The following PRPF18 variants were observed in gnomAD, a reference collection of about 807,000 sequenced individuals.
PRPF18 encodes the protein pre-mRNA-splicing factor 18.
PRPF18 carries 38 observed loss-of-function variants against 46.5 expected under a neutral mutation model. The observed-to-expected ratio is 0.82, with a 90% confidence interval of 0.63 to 1.07. PRPF18 has a LOEUF of 1.07. Ranked by LOEUF, PRPF18 falls within the 50% of genes least tolerant of loss-of-function variation. The probability of loss-of-function intolerance (pLI) is 0.00; values close to 1 mark genes in which losing one functional copy is unlikely to be tolerated. For missense variants in PRPF18, 263 were observed against 410.0 expected, an observed-to-expected ratio of 0.64 and a Z score of 3.10; for synonymous variants, 152 against 146.7, an observed-to-expected ratio of 1.04 and a Z score of -0.26.
chr10:13,611,450 C>G (rs1023051577), intron 5 of PRPF18, among the ~76,000 whole-genome samples, 165 bp from the exon 6 acceptor site: 1 of 152,054 alleles, frequency 6.6e-6, no homozygotes, highest in Non-Finnish European at 1.5e-5. Context: ...GTGGCAAATC[C>G]GTGTTTTTTG....
chr10:13,607,375 G>A (rs371656626), intron 4 of PRPF18, among the ~76,000 whole-genome samples: 2 of 152,186 alleles, frequency 1.3e-5, no homozygotes, highest in African/African-American at 2.4e-5. Flanking sequence ...GGGCTTACCT[G>A]TTCTCTTAAT....
chr10:13,655,000 C>CA, the PRPF18 span: 1 of 161,642 alleles, frequency 6.2e-6, no homozygotes, highest in Non-Finnish European at 1.4e-5. Flanking sequence ...GAAAGGTTCT[C>CA]AGAGCCTGCT....
At position 13,630,520 on chromosome 10, in the gene PRPF18, CA is replaced by C. The variant is rs1425840947; in HGVS notation, c.*182del. On this transcript the variant is annotated 3_prime_UTR_variant, in exon 10 of 10. Coordinates refer to ENST00000378572, the MANE Select transcript of PRPF18 (RefSeq NM_003675.4). ...TTGGCCTTCATTTCATATCTGACTG[CA>C]AGCTGATTTTTCTTTCTTGCTTTCA... The C allele has an allele frequency of 7.5e-6, 3 of 401,244 alleles. No individual in the cohort carries two copies. Among genetic ancestry groups the C allele is most frequent in the African/African-American group, 6.2e-5 (3 of 48,516 alleles). The allele number at this position is 401,244 out of a possible 1,614,324, so 24.9% of individuals were successfully genotyped here. A position where few individuals can be genotyped will look rare whatever the true frequency, so the allele number is the denominator to read the frequency against.
the PRPF18 span, chr10:13,642,750 T>C: frequency 6.6e-6 from 1 of 152,000 alleles, no homozygotes; most frequent in Admixed American, 6.5e-5. Flanking sequence ...GTGTAGATGA[T>C]TTTGAGATGG....
intron 1 of PRPF18, among the ~76,000 whole-genome samples, chr10:13,588,355 C>G (rs1343844309): frequency 2.0e-5 from 3 of 150,898 alleles, no homozygotes; most frequent in Non-Finnish European, 4.4e-5. Flanking sequence ...TGCCGTGAGC[C>G]GACATCGCAC....
intron 4 of PRPF18, 119 bp downstream of exon 4, chr10:13,605,863 C>A: frequency 7.6e-7 from 1 of 1,321,954 alleles, no homozygotes; most frequent in Non-Finnish European, 9.8e-7. Context: ...ATTATTGCTG[C>A]TGAATGGAAG....
intron 4 of PRPF18, 82 bp from the exon 5 acceptor site, chr10:13,609,957 G>T: frequency 7.2e-7 from 1 of 1,396,646 alleles, no homozygotes; most frequent in Non-Finnish European, 9.8e-7. Context: ...AATATTTGCA[G>T]TTATTAATGA....
the PRPF18 span, chr10:13,651,812 G>T: frequency 2.6e-6 from 2 of 765,228 alleles, no homozygotes; most frequent in Admixed American, 3.6e-5. Context: ...GCATTCAGAT[G>T]TATCCTTGTG....
intron 1 of PRPF18, among the ~76,000 whole-genome samples, chr10:13,594,437 A>G (rs770259210): frequency 6.6e-6 from 1 of 152,224 alleles, no homozygotes; most frequent in Non-Finnish European, 1.5e-5. Flanking sequence ...CCAAAACTAG[A>G]CAATTGGTTT....
chr10:13,602,264 T>C (rs1247145578), intron 3 of PRPF18, among the ~76,000 whole-genome samples: 4 of 152,252 alleles, frequency 2.6e-5, no homozygotes, highest in Admixed American at 1.3e-4. Context: ...GAATTGAACA[T>C]GTTTTCACGT....
chr10:13,607,711 A>G (rs1252402484), intron 4 of PRPF18, among the ~76,000 whole-genome samples: 1 of 152,074 alleles, frequency 6.6e-6, no homozygotes, highest in East Asian at 1.9e-4. Flanking sequence ...AATGAAGTCC[A>G]ATTTATTGTT....
the PRPF18 span, chr10:13,648,626 G>A: frequency 6.6e-6 from 1 of 152,176 alleles, no homozygotes; most frequent in South Asian, 2.1e-4. Flanking sequence ...TGAGAACTAG[G>A]TTAACAGGAG....
chr10:13,654,089 C>G, the PRPF18 span: 1 of 485,100 alleles, frequency 2.1e-6, no homozygotes, highest in Non-Finnish European at 3.6e-6. Flanking sequence ...TTTGAGTCAG[C>G]CTGAGTATAA....
At chr10:13,628,974 G>A (rs1230710980) in intron 9 of PRPF18, among the ~76,000 whole-genome samples, 1 of 152,152 alleles carries the variant, frequency 6.6e-6, no homozygotes, top group Non-Finnish European at 1.5e-5. Context: ...CATGTTTACC[G>A]AGTGGTGGAT....
At chr10:13,609,608 A>G (rs563518643) in intron 4 of PRPF18, among the ~76,000 whole-genome samples, 11 of 152,300 alleles carry the variant, frequency 7.2e-5, no homozygotes, top group African/African-American at 1.9e-4. Context: ...TGAGGCACCA[A>G]TTTTATTACA....
chr10:13,620,205 A>C (rs2080402815), intron 9 of PRPF18, among the ~76,000 whole-genome samples: 3 of 152,192 alleles, frequency 2.0e-5, no homozygotes, highest in Admixed American at 1.3e-4. Flanking sequence ...ACTTCTTGCC[A>C]TCTCTAACTA....
At chr10:13,599,517 T>C (rs1486759804) in intron 2 of PRPF18, among the ~76,000 whole-genome samples, 1 of 152,236 alleles carries the variant, frequency 6.6e-6, no homozygotes, top group Non-Finnish European at 1.5e-5. Flanking sequence ...TGTAAATTGC[T>C]GAATTCAGTT....
chr10:13,617,738 A>C (rs2478126), intron 9 of PRPF18, among the ~76,000 whole-genome samples: 20,512 of 152,010 alleles, frequency 0.13, 2,200 homozygotes, highest in African/African-American at 0.3. Context: ...ATTTTTTTTT[A>C]AGTATACCTA....
chr10:13,609,937 T>TG (rs911539446), intron 4 of PRPF18, 102 bp from the exon 5 acceptor site: 3 of 1,278,094 alleles, frequency 2.3e-6, no homozygotes, highest in African/African-American at 1.5e-5. Context: ...ACTCTTCTTG[T>TG]GGGGGAAAAA....
Sources: gnomAD v4.1 joint callset for allele counts (sites outside exome capture counted in the v4.1 genomes callset) on GRCh38, gnomAD v4.1.1 for gene constraint, MANE v1.5 for transcripts, NCBI Gene and HGNC (gene_info 2026-07-23, HGNC 2026-07-21) for gene names.